The following SCN1A variants were observed in gnomAD, a reference collection of about 807,000 sequenced individuals.
SCN1A encodes sodium voltage-gated channel alpha subunit 1.
In SCN1A, 13 loss-of-function variants were observed where a neutral mutation model predicts 193.7. The ratio of observed to expected loss-of-function variants is 0.07; its 90% CI spans 0.04 to 0.11. The LOEUF is 0.11. SCN1A is among the 10% of genes least tolerant of loss of function. SCN1A has a pLI of 1.00. For synonymous variants in SCN1A, 781 were observed against 843.6 expected (o/e 0.93, Z 1.29); for missense variants, 1,432 against 2,451.1 (o/e 0.58, Z 8.78).
Position 166,009,740 on chromosome 2 carries a change from T to A in SCN1A, c.3981A>T (p.Leu1327Phe). The A allele has an allele frequency of 6.2e-7, 1 of 1,606,310 alleles. No homozygotes were observed. The highest frequency in any genetic ancestry group is 8.5e-7 in the Non-Finnish European group (1 of 1,174,604). The stretch of plus-strand genomic sequence containing the variant: ...TTACCCTCATCCCTTCAAATCGAGA[T>A]AAGGCTCTTAGAGGTCTCAGAGCTC... Reference protein sequence around the residue: ...TLRALRPLRALSRFEGMRVVV... With the variant: ...TLRALRPLRAFSRFEGMRVVV... Residue 1327 changes from leucine to phenylalanine, a missense_variant, in exon 23 of 29, where the codon TTA becomes TTT. Coordinates refer to ENST00000674923, the MANE Select transcript of SCN1A (RefSeq NM_001165963.4).
intron 19 of SCN1A, among the ~76,000 whole-genome samples, chr2:166,029,209 T>C (rs1222249504): frequency 6.6e-6 from 1 of 152,094 alleles, no homozygotes; most frequent in Non-Finnish European, 1.5e-5. Context: ...CTGTGAGCAA[T>C]GGGCAACTCC....
chr2:166,020,121 A>G (rs572768556), intron 19 of SCN1A, among the ~76,000 whole-genome samples: 1 of 151,986 alleles, frequency 6.6e-6, no homozygotes, highest in Admixed American at 6.6e-5. Context: ...CATGTTAGCC[A>G]GGAGGGTCTC....
chr2:166,144,810 G>C (rs1285789199), intron 1 of SCN1A, among the ~76,000 whole-genome samples: 1 of 151,770 alleles, frequency 6.6e-6, no homozygotes, highest in Non-Finnish European at 1.5e-5. Context: ...GAGATAATGG[G>C]GCCTATCTTT....
chr2:166,018,642 T>C (rs2105658503), intron 19 of SCN1A, among the ~76,000 whole-genome samples: 1 of 152,226 alleles, frequency 6.6e-6, no homozygotes, highest in African/African-American at 2.4e-5. Context: ...TTTAAGTTTA[T>C]ATGATTTCCA....
At chr2:166,003,502 T>C (rs1220236657) in intron 23 of SCN1A, among the ~76,000 whole-genome samples, 2 of 151,396 alleles carry the variant, frequency 1.3e-5, no homozygotes, top group South Asian at 2.1e-4. Flanking sequence ...TCACATGAAG[T>C]TCTGTGTTCA....
At chr2:166,142,748 A>G (rs1692139760) in intron 1 of SCN1A, among the ~76,000 whole-genome samples, 1 of 152,160 alleles carries the variant, frequency 6.6e-6, no homozygotes, top group Admixed American at 6.5e-5. Context: ...CCCAAATCTC[A>G]CCTTGAATTA....
intron 24 of SCN1A, 87 bp from the exon 25 acceptor site, chr2:165,999,863 CA>C (rs1690597633): frequency 1.9e-6 from 2 of 1,033,604 alleles, no homozygotes; most frequent in Admixed American, 1.7e-5. Context: ...ATATAATTTT[CA>C]AAAGGGAATA....
Position 166,039,553 on chromosome 2 carries a change from A to G in SCN1A, c.2459T>C (p.Ile820Thr), listed in dbSNP as rs886055045. Residue 820 changes from isoleucine (I) to threonine (T), a missense_variant, in exon 17 of 29, where the codon ATT becomes ACT. Physicochemically the swap from Ile to Thr is moderately conservative, Grantham distance 89 (BLOSUM62 -1). Around this residue, in one of 18 missense-constraint regions of SCN1A, gnomAD observed 93 missense variants for 260.4 expected, o/e 0.36. Transcript: ENST00000674923. Reference protein sequence around the residue: ...IFTAEMFLKIIAMDPYYYFQE... With the variant: ...IFTAEMFLKITAMDPYYYFQE... ...GAAATAATAGTAAGGATCCATGGCA[A>G]TAATTTTCAGAAACATTTCTGCTGT... 5 of 1,614,104 alleles carry G rather than the reference A, an allele frequency of 3.1e-6. No homozygotes were observed. Among genetic ancestry groups the G allele is most frequent in the Non-Finnish European group, 4.2e-6 (5 of 1,179,984 alleles).
At chr2:166,108,899 A>C (rs1688990819) in intron 2 of SCN1A, among the ~76,000 whole-genome samples, 1 of 152,152 alleles carries the variant, frequency 6.6e-6, no homozygotes, top group Non-Finnish European at 1.5e-5. Flanking sequence ...CAACTCTATA[A>C]ATATACAAAA....
At chr2:166,093,572 T>C (rs1464295393) in intron 2 of SCN1A, among the ~76,000 whole-genome samples, 1 of 152,162 alleles carries the variant, frequency 6.6e-6, no homozygotes, top group Admixed American at 6.5e-5. Context: ...CTCAACCTCC[T>C]GACCTCACGA....
At chr2:166,067,471 C>CTT (rs5836078) in intron 4 of SCN1A, among the ~76,000 whole-genome samples, 5,584 of 145,914 alleles carry the variant, frequency 0.038, 363 homozygotes, top group African/African-American at 0.13. Context: ...ACTGACTTCT[C>CTT]TTTTTTTTTT....
At chr2:165,998,462 G>A (rs537154918) in intron 25 of SCN1A, among the ~76,000 whole-genome samples, 23 of 150,714 alleles carry the variant, frequency 1.5e-4, no homozygotes, top group African/African-American at 5.6e-4. Context: ...AAGCTTTTAA[G>A]GTACTGAATT....
At chr2:166,136,652 G>C (rs185227918) in intron 1 of SCN1A, among the ~76,000 whole-genome samples, 258 of 152,202 alleles carry the variant, frequency 1.7e-3, no homozygotes, top group African/African-American at 6.2e-3. Context: ...AAAGTAGATG[G>C]TACATTCAAA....
intron 1 of SCN1A, among the ~76,000 whole-genome samples, chr2:166,133,653 TA>T (rs1188761878): frequency 6.6e-6 from 1 of 152,206 alleles, no homozygotes; most frequent in African/African-American, 2.4e-5. Context: ...GGGCCTGGTT[TA>T]TTTTTGATCT....
chr2:166,141,108 C>G (rs1692063097), intron 1 of SCN1A, among the ~76,000 whole-genome samples: 1 of 152,074 alleles, frequency 6.6e-6, no homozygotes, highest in African/African-American at 2.4e-5. Context: ...AGCCATTCTG[C>G]CCTGCTCACC....
intron 21 of SCN1A, among the ~76,000 whole-genome samples, chr2:166,013,197 T>C (rs934912009): frequency 8.6e-5 from 13 of 151,512 alleles, no homozygotes; most frequent in Non-Finnish European, 1.6e-4. Flanking sequence ...GTTATAAAGA[T>C]AAACCCATCC....
chr2:166,048,853 A>G (rs772946125), intron 10 of SCN1A, 33 bp downstream of exon 10: 2 of 1,392,890 alleles, frequency 1.4e-6, no homozygotes, highest in Non-Finnish European at 2.0e-6. Flanking sequence ...GTACATACAA[A>G]TATACACAGA....
chr2:166,110,441 T>A (rs1689170439), intron 2 of SCN1A, among the ~76,000 whole-genome samples: 2 of 152,192 alleles, frequency 1.3e-5, no homozygotes. Flanking sequence ...AAAATGGCTT[T>A]ATTGCTGATA....
chr2:166,024,148 C>T (rs1441249979), intron 19 of SCN1A, among the ~76,000 whole-genome samples: 7 of 151,954 alleles, frequency 4.6e-5, no homozygotes, highest in Non-Finnish European at 1.0e-4. Flanking sequence ...ACGGCTTGAG[C>T]CCAGGAGGTT....
Sources: gnomAD v4.1 joint callset for allele counts (sites outside exome capture counted in the v4.1 genomes callset) on GRCh38, gnomAD v4.1.1 for gene constraint, gnomAD v4.1.1 regional missense constraint, MANE v1.5 for transcripts, NCBI Gene and HGNC (gene_info 2026-07-23, HGNC 2026-07-21) for gene names.